Variants in GPR89B observed in about 807,000 individuals in gnomAD.
GPR89B encodes the protein G protein-coupled receptor 89B.
GPR89B carries 25 observed loss-of-function variants against 52.4 expected under a neutral mutation model. The ratio of observed to expected loss-of-function variants is 0.48; its 90% CI spans 0.35 to 0.67. The LOEUF is 0.67. Ranked by LOEUF, GPR89B falls within the 30% of genes least tolerant of loss-of-function variation. The probability of loss-of-function intolerance (pLI) is 0.01; values close to 1 mark genes in which losing one functional copy is unlikely to be tolerated. For synonymous variants in GPR89B, 52 were observed against 151.2 expected (o/e 0.34, Z 4.81); for missense variants, 146 against 450.2 (o/e 0.32, Z 6.11).
At chr1:147,957,911 A>G (rs1656239941) in intron 7 of GPR89B, among the ~76,000 whole-genome samples, 1 of 151,680 alleles carries the variant, frequency 6.6e-6, no homozygotes, top group Non-Finnish European at 1.5e-5. Flanking sequence ...AAAGATACAA[A>G]AAAGTAGCCG....
At position 147,975,376 on chromosome 1, in the gene GPR89B, T is replaced by C. The variant is rs1256910613; in HGVS notation, c.909+5417T>C. ...TGGGTCTATTCAGGGATTCAACTTC[T>C]TCCTGGTTCAGTCTTGGGAGGGTGT... is the stretch of plus-strand genomic sequence containing the variant. On this transcript the variant is annotated intron_variant, in intron 10 of 13. Transcript: ENST00000314163. Among the ~76,000 whole-genome samples the C allele has an allele frequency of 8.5e-3, 1,231 of 145,276 alleles. 17 individuals carry two copies. The highest frequency in any genetic ancestry group is 9.2e-3 in the Non-Finnish European group (611 of 66,346).
chr1:147,961,912 T>C (rs1202418150), intron 7 of GPR89B, among the ~76,000 whole-genome samples: 1 of 152,024 alleles, frequency 6.6e-6, no homozygotes, highest in Non-Finnish European at 1.5e-5. Flanking sequence ...ATGTTATTCA[T>C]TTCAAAATCC....
chr1:148,000,540 A>G, the GPR89B span, among the ~76,000 whole-genome samples: 1 of 151,712 alleles, frequency 6.6e-6, no homozygotes, highest in African/African-American at 2.4e-5. Flanking sequence ...TGACTTTAGC[A>G]AAGTGCTTAG....
chr1:147,955,686 G>C (rs1264434110), intron 7 of GPR89B, among the ~76,000 whole-genome samples: 2 of 149,244 alleles, frequency 1.3e-5, no homozygotes, highest in Non-Finnish European at 3.0e-5. Context: ...TATATCTGTT[G>C]GTCATGTGTA....
At chr1:147,933,793 A>G (rs1225569020) in intron 1 of GPR89B, among the ~76,000 whole-genome samples, 14 of 151,992 alleles carry the variant, frequency 9.2e-5, no homozygotes, top group Admixed American at 2.6e-4. Context: ...CCCATAACAC[A>G]TTTCTATAAT....
Position 147,982,437 on chromosome 1 carries a change from C to T in GPR89B, c.910-3762C>T, listed in dbSNP as rs1435928371. Among the ~76,000 whole-genome samples, 511 of 144,176 alleles carry T rather than the reference C, an allele frequency of 3.5e-3. 7 individuals are homozygous for T. The highest frequency in any genetic ancestry group is 0.013 in the East Asian group (65 of 5,026). The allele number at this position is 144,176 out of a possible 152,430, so 94.6% of individuals were successfully genotyped here. A position where few individuals can be genotyped will look rare whatever the true frequency, so the allele number is the denominator to read the frequency against. ...TTTACATTCCTGTCAGCAGGGGATG[C>T]GTGCTCCAATTTCTCCACATCCCCA... is the stretch of plus-strand genomic sequence containing the variant. On this transcript the variant is annotated intron_variant, in intron 10 of 13. Transcript: ENST00000314163.
intron 7 of GPR89B, among the ~76,000 whole-genome samples, chr1:147,964,580 A>G (rs1164240968): frequency 7.0e-4 from 106 of 152,068 alleles, no homozygotes; most frequent in Non-Finnish European, 1.3e-3. Flanking sequence ...AAGGTTTAAT[A>G]TTGTTACCTT....
chr1:147,954,589 G>A (rs1223522097), intron 7 of GPR89B, among the ~76,000 whole-genome samples, 187 bp downstream of exon 7: 57 of 151,530 alleles, frequency 3.8e-4, no homozygotes, highest in African/African-American at 1.3e-3. Context: ...AGGCCACGAC[G>A]GGGGGATCAT....
intron 5 of GPR89B, among the ~76,000 whole-genome samples, chr1:147,948,301 G>T (rs1553250129): frequency 6.6e-6 from 1 of 151,994 alleles, no homozygotes; most frequent in Non-Finnish European, 1.5e-5. Context: ...TCAAGGAAAG[G>T]CAAGAGATAG....
At chr1:147,952,333 A>C (rs1329738325) in intron 5 of GPR89B, among the ~76,000 whole-genome samples, 2 of 151,812 alleles carry the variant, frequency 1.3e-5, no homozygotes, top group Non-Finnish European at 2.9e-5. Context: ...TTCAGAAGGA[A>C]GATAGTAGGA....
intron 5 of GPR89B, among the ~76,000 whole-genome samples, chr1:147,948,871 A>G (rs1442266778): frequency 6.6e-6 from 1 of 151,760 alleles, no homozygotes; most frequent in African/African-American, 2.4e-5. Context: ...ACAAGTGAAC[A>G]AAGGTCTCTG....
In GPR89B at chr1:147,981,731, C is replaced by T. The variant is rs1255068119; in HGVS notation, c.910-4468C>T. Among the ~76,000 whole-genome samples the T allele has an allele frequency of 5.1e-4, 78 of 151,830 alleles. 1 individual carries two copies. In the South Asian group the frequency reaches 0.015, roughly 29 times the overall value. On this transcript the variant is annotated intron_variant, in intron 10 of 13. Coordinates refer to ENST00000314163, the MANE Select transcript of GPR89B (RefSeq NM_016334.5). ...GCAGTGGGGTGATCTCAGCTCACTT[C>T]GACCTCTGCCTCCTGGGTTCAAGCG...
chr1:148,024,489 CT>C, the GPR89B span: 3 of 128,264 alleles, frequency 2.3e-5, no homozygotes, highest in Non-Finnish European at 4.9e-5. Flanking sequence ...ACAGCCCTCC[CT>C]TTCCACCCCT....
chr1:147,972,039 A>G (rs1432716799), intron 10 of GPR89B, among the ~76,000 whole-genome samples: 1 of 151,384 alleles, frequency 6.6e-6, no homozygotes, highest in African/African-American at 2.4e-5. Context: ...ATTAGTTTGT[A>G]TTTTCTAGAA....
At chr1:147,930,468 ACTGT>A (rs1443753915) in intron 1 of GPR89B, among the ~76,000 whole-genome samples, 5 of 152,022 alleles carry the variant, frequency 3.3e-5, no homozygotes, top group East Asian at 1.9e-4. Flanking sequence ...AGTCCAAGAT[ACTGT>A]CTGTCTTGTT....
intron 7 of GPR89B, among the ~76,000 whole-genome samples, chr1:147,965,830 GT>G (rs1265952239): frequency 1.3e-5 from 2 of 151,104 alleles, no homozygotes; most frequent in African/African-American, 2.4e-5. Flanking sequence ...TATGTTAGCT[GT>G]TTTTTTTTGT....
At chr1:147,956,501 A>G (rs1656124493) in intron 7 of GPR89B, among the ~76,000 whole-genome samples, 1 of 152,010 alleles carries the variant, frequency 6.6e-6, no homozygotes, top group Non-Finnish European at 1.5e-5. Flanking sequence ...TGTTTTAACA[A>G]TACTAATGTT....
the GPR89B span, among the ~76,000 whole-genome samples, chr1:148,019,250 CAG>C: frequency 6.6e-6 from 1 of 151,534 alleles, no homozygotes; most frequent in African/African-American, 2.4e-5. Flanking sequence ...GCTGAGATTA[CAG>C]ATGTGAACCA....
chr1:147,948,763 T>A (rs1425552014), intron 5 of GPR89B, among the ~76,000 whole-genome samples: 1 of 151,324 alleles, frequency 6.6e-6, no homozygotes, highest in Non-Finnish European at 1.5e-5. Flanking sequence ...ATAATTTTTT[T>A]TTTTTTTTTT....
Sources: gnomAD v4.1 joint callset for allele counts (sites outside exome capture counted in the v4.1 genomes callset) on GRCh38, gnomAD v4.1.1 for gene constraint, MANE v1.5 for transcripts, NCBI Gene and HGNC (gene_info 2026-07-23, HGNC 2026-07-21) for gene names.